The following LRP1B variants were observed in gnomAD, a reference collection of about 807,000 sequenced individuals.
LRP1B encodes the protein LDL receptor related protein 1B, also known as low-density lipoprotein receptor-related protein 1B.
Under a neutral mutation model 556.6 loss-of-function variants are expected in LRP1B, and 217 were observed. The ratio of observed to expected loss-of-function variants is 0.39; its 90% CI spans 0.35 to 0.44. LRP1B has a LOEUF of 0.44. Among genes scored for constraint, LRP1B ranks in the 20% least tolerant of loss-of-function variants. The probability of loss-of-function intolerance (pLI) is 1.00; values close to 1 mark genes in which losing one functional copy is unlikely to be tolerated. For missense variants in LRP1B, 5,053 were observed against 5,620.8 expected (o/e 0.90, Z 3.23); for synonymous variants, 2,047 against 1,865.8 (o/e 1.10, Z -2.50).
intron 2 of LRP1B, among the ~76,000 whole-genome samples, chr2:141,607,257 A>G (rs749988667): frequency 5.9e-5 from 9 of 152,158 alleles, no homozygotes. Flanking sequence ...ATACAAAAAC[A>G]TGTTGCAAAT....
At chr2:141,319,541 G>A (rs1008302601) in intron 3 of LRP1B, among the ~76,000 whole-genome samples, 1 of 151,916 alleles carries the variant, frequency 6.6e-6, no homozygotes, top group Non-Finnish European at 1.5e-5. Context: ...GTCAGACTGG[G>A]ATTTCTCATG....
chr2:142,067,722 C>T (rs1315670480), intron 1 of LRP1B, among the ~76,000 whole-genome samples: 3 of 151,408 alleles, frequency 2.0e-5, no homozygotes, highest in Admixed American at 6.6e-5. Context: ...TGACTTATAA[C>T]TTTTTTCCTC....
At chr2:142,031,418 G>T (rs1196405955) in intron 1 of LRP1B, among the ~76,000 whole-genome samples, 1 of 120,210 alleles carries the variant, frequency 8.3e-6, no homozygotes, top group Non-Finnish European at 1.7e-5. Flanking sequence ...CATGTGCCAT[G>T]CTGGTGCGCT....
chr2:141,340,846 A>G (rs1688031230), intron 3 of LRP1B, among the ~76,000 whole-genome samples: 1 of 152,200 alleles, frequency 6.6e-6, no homozygotes, highest in Admixed American at 6.5e-5. Context: ...TCAAACAGGA[A>G]GAAACAGAAC....
chr2:141,406,131 T>A (rs1690624232), intron 3 of LRP1B, among the ~76,000 whole-genome samples: 1 of 152,126 alleles, frequency 6.6e-6, no homozygotes, highest in African/African-American at 2.4e-5. Flanking sequence ...ATATTATTTT[T>A]TCCCATTGAC....
chr2:141,732,453 C>T (rs1031766927), intron 2 of LRP1B, among the ~76,000 whole-genome samples: 7 of 152,080 alleles, frequency 4.6e-5, no homozygotes, highest in Non-Finnish European at 8.8e-5. Flanking sequence ...GACAAATTTT[C>T]ATCTGATTCA....
chr2:141,421,118 T>C lies in LRP1B; in HGVS notation c.343+59278A>G, dbSNP rs567566616. 9.8e-5 allele frequency among the ~76,000 whole-genome samples: 15 copies of C among 152,360 alleles called. No homozygotes were observed. The South Asian group carries it at 2.9e-3, about 29-fold the overall frequency. On this transcript the variant is annotated intron_variant, in intron 3 of 90. Coordinates refer to ENST00000389484, the MANE Select transcript of LRP1B (RefSeq NM_018557.3). ...TAATGGTACTTTGGTTCATACACTG[T>C]TGTTAAAGTGATGTTTTTGTGGAGG...
rs569977015 is a variant in LRP1B, at chr2:141,645,344, C to G, written c.206-164811G>C. On this transcript the variant is annotated intron_variant, in intron 2 of 90. Transcript: ENST00000389484. ...CACACCATGCCTCATATGAAGAAAT[C>G]TATTCTGGCAGCATAGGATGCCCTA... Among the ~76,000 whole-genome samples, 255 of 152,084 alleles carry G rather than the reference C, an allele frequency of 1.7e-3. 1 individual carries two copies. Among genetic ancestry groups the G allele is most frequent in the Middle Eastern group, 0.014 (4 of 292 alleles).
intron 3 of LRP1B, among the ~76,000 whole-genome samples, chr2:141,477,710 C>T (rs1465272215): frequency 1.3e-5 from 2 of 152,030 alleles, no homozygotes; most frequent in Admixed American, 1.3e-4. Context: ...TCTAGGATGA[C>T]TATATCTCTT....
At chr2:141,449,477 T>C (rs1233260475) in intron 3 of LRP1B, among the ~76,000 whole-genome samples, 1 of 152,212 alleles carries the variant, frequency 6.6e-6, no homozygotes, top group African/African-American at 2.4e-5. Context: ...TTTACATTTT[T>C]TATATTGCAG....
intron 7 of LRP1B, among the ~76,000 whole-genome samples, chr2:141,153,861 A>C (rs2105091851): frequency 6.6e-6 from 1 of 151,500 alleles, no homozygotes; most frequent in East Asian, 1.9e-4. Context: ...ATAAGGAAGT[A>C]AAAAGAACCA....
chr2:141,645,075 T>G (rs1689502972), intron 2 of LRP1B, among the ~76,000 whole-genome samples: 1 of 152,130 alleles, frequency 6.6e-6, no homozygotes, highest in South Asian at 2.1e-4. Flanking sequence ...TGTGGTCTTT[T>G]GAAATATAAA....
intron 1 of LRP1B, among the ~76,000 whole-genome samples, chr2:142,026,230 C>A (rs965681697): frequency 6.6e-6 from 1 of 152,098 alleles, no homozygotes; most frequent in Admixed American, 6.6e-5. Flanking sequence ...TTTTTACTCT[C>A]ATTTTTAACT....
At chr2:142,077,562 G>T (rs565840699) in intron 1 of LRP1B, among the ~76,000 whole-genome samples, 24 of 152,162 alleles carry the variant, frequency 1.6e-4, no homozygotes, top group Non-Finnish European at 3.2e-4. Context: ...CATAGTATGG[G>T]ACCACCATCA....
rs190736724 is a variant in LRP1B at position 140,813,945 on chromosome 2, G to A, written c.5210-139C>T. 516 of 620,110 alleles carry A rather than the reference G, an allele frequency of 8.3e-4. No homozygotes were observed. In the African/African-American group the frequency reaches 8.7e-3, roughly 10 times the overall value. The allele number at this position is 620,110 out of a possible 1,614,324, so 38.4% of individuals were successfully genotyped here. A position where few individuals can be genotyped will look rare whatever the true frequency, so the allele number is the denominator to read the frequency against. ...TTTACAAATAAGATCTGGCTAATAG[G>A]GAAATACACATATGGTGTTTTGGGT... is the stretch of plus-strand genomic sequence containing the variant. On this transcript the variant is annotated intron_variant, in intron 31 of 90. Coordinates refer to ENST00000389484, the MANE Select transcript of LRP1B (RefSeq NM_018557.3).
intron 31 of LRP1B, among the ~76,000 whole-genome samples, chr2:140,831,994 T>A (rs527629236): frequency 4.6e-5 from 7 of 152,228 alleles, no homozygotes; most frequent in African/African-American, 1.4e-4. Context: ...GTTGGAATGG[T>A]TATTATCAAA....
chr2:141,784,493 C>T (rs1000279315), intron 2 of LRP1B, among the ~76,000 whole-genome samples: 1 of 151,896 alleles, frequency 6.6e-6, no homozygotes, highest in Admixed American at 6.6e-5. Context: ...TATATACAAG[C>T]ATAACCAATA....
chr2:141,633,095 G>A (rs1165275070), intron 2 of LRP1B, among the ~76,000 whole-genome samples: 1 of 152,020 alleles, frequency 6.6e-6, no homozygotes, highest in Non-Finnish European at 1.5e-5. Context: ...ATATTTCTCT[G>A]TATCCCTTCT....
intron 1 of LRP1B, among the ~76,000 whole-genome samples, chr2:141,835,976 A>G (rs1697262447): frequency 6.6e-6 from 1 of 152,042 alleles, no homozygotes; most frequent in African/African-American, 2.4e-5. Flanking sequence ...AATATCTGAT[A>G]TGTAATGATT....
Sources: allele counts gnomAD v4.1 joint callset (sites outside exome capture counted in the v4.1 genomes callset), GRCh38; gene constraint gnomAD v4.1.1; transcripts MANE v1.5; gene names NCBI Gene and HGNC (gene_info 2026-07-23, HGNC 2026-07-21).